Variants in CSNK1G1 observed in about 807,000 individuals in gnomAD.
The protein encoded by CSNK1G1 is casein kinase I isoform gamma-1.
In CSNK1G1, 22 loss-of-function variants were observed where a neutral mutation model predicts 59.6. The ratio of observed to expected loss-of-function variants is 0.37; its 90% CI spans 0.26 to 0.53. The LOEUF is 0.53. Ranked by LOEUF, CSNK1G1 falls within the 20% of genes least tolerant of loss-of-function variation. CSNK1G1 has a pLI of 0.89. For synonymous variants in CSNK1G1, 179 were observed against 177.1 expected (o/e 1.01, Z -0.08); for missense variants, 384 against 519.5 (o/e 0.74, Z 2.54).
chr15:64,190,100 G>A (rs901932116), intron 10 of CSNK1G1, among the ~76,000 whole-genome samples: 5 of 151,962 alleles, frequency 3.3e-5, no homozygotes, highest in Admixed American at 1.3e-4. Flanking sequence ...GATTACAGGC[G>A]TGAGCCACCA....
intron 1 of CSNK1G1, among the ~76,000 whole-genome samples, chr15:64,305,721 CAA>C (rs750920098): frequency 1.9e-5 from 2 of 104,658 alleles, no homozygotes; most frequent in Non-Finnish European, 4.0e-5. Context: ...AAAACAAAAA[CAA>C]AAAAAAAACT....
chr15:64,278,912 A>G (rs546903127), intron 2 of CSNK1G1, among the ~76,000 whole-genome samples: 1 of 152,268 alleles, frequency 6.6e-6, no homozygotes, highest in South Asian at 2.1e-4. Flanking sequence ...CTTTTTTTTA[A>G]GTCTTGCTTT....
chr15:64,229,267 C>A (rs937500528), intron 4 of CSNK1G1, among the ~76,000 whole-genome samples: 6 of 152,092 alleles, frequency 3.9e-5, no homozygotes, highest in African/African-American at 1.4e-4. Context: ...TCCTTTTGTT[C>A]CTTCTGATAA....
rs536117738 is a variant in CSNK1G1 at position 64,307,451 on chromosome 15, T to C, written c.-224-6728A>G. ...AATATTGGCCAGGCATGGTGGCTCA[T>C]GCCTGTAGTCCCAGCACTTTGGGAG... is the stretch of plus-strand genomic sequence containing the variant. On this transcript the variant is annotated intron_variant, in intron 1 of 11. Coordinates refer to ENST00000303052, the MANE Select transcript of CSNK1G1 (RefSeq NM_022048.5). Among the ~76,000 whole-genome samples the C allele has an allele frequency of 2.0e-5, 3 of 152,244 alleles. No homozygotes were observed. In the East Asian group the frequency reaches 5.8e-4, roughly 29 times the overall value.
At chr15:64,336,020 A>T (rs1897370021) in intron 1 of CSNK1G1, among the ~76,000 whole-genome samples, 1 of 152,214 alleles carries the variant, frequency 6.6e-6, no homozygotes, top group African/African-American at 2.4e-5. Context: ...GCATGAATGA[A>T]TAATATTCAT....
chr15:64,334,943 C>T (rs11635033), intron 1 of CSNK1G1, among the ~76,000 whole-genome samples: 1 of 152,166 alleles, frequency 6.6e-6, no homozygotes, highest in African/African-American at 2.4e-5. Context: ...CTATAACTAC[C>T]TAATTTAGAG....
chr15:64,270,943 C>T (rs1276990558), intron 2 of CSNK1G1, among the ~76,000 whole-genome samples: 1 of 151,976 alleles, frequency 6.6e-6, no homozygotes, highest in Non-Finnish European at 1.5e-5. Flanking sequence ...TTTTCTTAGT[C>T]TTGACTTCTA....
At chr15:64,218,053 T>C (rs1354104487) in intron 4 of CSNK1G1, among the ~76,000 whole-genome samples, 1 of 152,046 alleles carries the variant, frequency 6.6e-6, no homozygotes, top group Non-Finnish European at 1.5e-5. Context: ...AACGCGATCT[T>C]CCCAGCTCAG....
rs1308149974 is a variant in CSNK1G1 at position 64,210,328 on chromosome 15, A to G, written c.680-2734T>C. 6.6e-6 allele frequency among the ~76,000 whole-genome samples: 1 copy of G among 152,176 alleles called. No homozygotes were observed. The highest frequency in any genetic ancestry group is 1.5e-5 in the Non-Finnish European group (1 of 68,024). ...TTTCCAGCTCTAAAATTCTAAAATAATCTGATAACTTAAGCCTTTAGGGCC... is the reference window on the plus strand; with the variant it reads ...TTTCCAGCTCTAAAATTCTAAAATAGTCTGATAACTTAAGCCTTTAGGGCC... On this transcript the variant is annotated intron_variant, in intron 6 of 11. Coordinates refer to ENST00000303052, the MANE Select transcript of CSNK1G1 (RefSeq NM_022048.5). This position sits in a 1 kb window ranked among gnomAD's most constrained non-coding sequence, Gnocchi z 4.2.
chr15:64,253,387 A>G (rs894499617), intron 3 of CSNK1G1, among the ~76,000 whole-genome samples: 6 of 152,144 alleles, frequency 3.9e-5, no homozygotes, highest in Admixed American at 1.3e-4. Flanking sequence ...CTGCACACCC[A>G]TTAGGATGGC....
intron 6 of CSNK1G1, 71 bp downstream of exon 6, chr15:64,213,819 G>T: frequency 9.7e-7 from 1 of 1,027,302 alleles, no homozygotes; most frequent in Non-Finnish European, 1.5e-6. Flanking sequence ...TGCACAATGG[G>T]GATATAATGT....
At chr15:64,326,257 C>T (rs1282547924) in intron 1 of CSNK1G1, among the ~76,000 whole-genome samples, 1 of 152,170 alleles carries the variant, frequency 6.6e-6, no homozygotes, top group East Asian at 1.9e-4. Context: ...AACTCTTGGC[C>T]TCAAGTGATC....
chr15:64,345,834 T>C (rs1214764728), intron 1 of CSNK1G1, among the ~76,000 whole-genome samples: 2 of 152,100 alleles, frequency 1.3e-5, no homozygotes, highest in East Asian at 1.9e-4. Flanking sequence ...ACTCTGTCGC[T>C]AGGCTGGAGT....
At chr15:64,348,799 CA>C (rs760998344) in intron 1 of CSNK1G1, among the ~76,000 whole-genome samples, 25 of 152,084 alleles carry the variant, frequency 1.6e-4, no homozygotes, top group Admixed American at 6.6e-4. Flanking sequence ...AAAAATTTCA[CA>C]TCATTCATTA....
chr15:64,338,745 C>G (rs1365517645), intron 1 of CSNK1G1, among the ~76,000 whole-genome samples: 1 of 138,416 alleles, frequency 7.2e-6, no homozygotes, highest in Non-Finnish European at 1.5e-5. Context: ...TGGCCGGGCG[C>G]GATAGCTTAC....
At chr15:64,192,627 G>T (rs1174110079) in intron 10 of CSNK1G1, among the ~76,000 whole-genome samples, 2 of 151,966 alleles carry the variant, frequency 1.3e-5, no homozygotes, top group African/African-American at 2.4e-5. Flanking sequence ...GGGAGGCTGA[G>T]GGGGGCGGAT....
intron 3 of CSNK1G1, among the ~76,000 whole-genome samples, chr15:64,253,683 T>A (rs889914045): frequency 6.6e-6 from 1 of 152,148 alleles, no homozygotes; most frequent in East Asian, 1.9e-4. Context: ...CATAATTGGA[T>A]GAATGGATAA....
At chr15:64,223,806 G>A (rs573529107) in intron 4 of CSNK1G1, among the ~76,000 whole-genome samples, 2 of 152,188 alleles carry the variant, frequency 1.3e-5, no homozygotes, top group South Asian at 4.2e-4. Flanking sequence ...CCAGACATAT[G>A]GCTCACACGT....
chr15:64,173,160 C>T (rs1449674802), intron 11 of CSNK1G1, among the ~76,000 whole-genome samples: 1 of 152,196 alleles, frequency 6.6e-6, no homozygotes, highest in Non-Finnish European at 1.5e-5. Context: ...CAGCAATATT[C>T]ATATGGAAAT....
Sources: gnomAD v4.1 joint callset for allele counts (sites outside exome capture counted in the v4.1 genomes callset) on GRCh38, gnomAD v4.1.1 for gene constraint, Gnocchi (gnomAD v3.1) non-coding constraint, MANE v1.5 for transcripts, NCBI Gene and HGNC (gene_info 2026-07-23, HGNC 2026-07-21) for gene names.